XIRP2: variants seen among roughly 807,000 people sequenced by gnomAD.
XIRP2 encodes xin actin-binding repeat-containing protein 2.
Under a neutral mutation model 277.0 loss-of-function variants are expected in XIRP2, and 236 were observed. The ratio of observed to expected loss-of-function variants is 0.85; its 90% CI spans 0.77 to 0.95. The LOEUF (loss-of-function observed/expected upper bound fraction) is 0.95. XIRP2 is among the 40% of genes least tolerant of loss of function. The probability of loss-of-function intolerance (pLI) is 0.00; values close to 1 mark genes in which losing one functional copy is unlikely to be tolerated. For missense variants in XIRP2, 4,640 were observed against 4,157.5 expected, an observed-to-expected ratio of 1.12 and a Z score of -3.19; for synonymous variants, 1,490 against 1,416.5, an observed-to-expected ratio of 1.05 and a Z score of -1.17.
In XIRP2 at chr2:167,139,768, T is replaced by G. The variant is rs572480499; in HGVS notation, c.562+3706T>G. On this transcript the variant is annotated intron_variant, in intron 3 of 10. Transcript: ENST00000409195. ...ATAGAAACTTCTGTGATAATGATAA[T>G]AGAAGTGTCCTATATCTGTGCGGTC... Among the ~76,000 whole-genome samples the G allele has an allele frequency of 2.5e-4, 38 of 152,336 alleles. 1 individual carries two copies. In the South Asian group the frequency reaches 7.5e-3, roughly 30 times the overall value.
intron 2 of XIRP2, among the ~76,000 whole-genome samples, chr2:166,935,742 T>A (rs1311048652): frequency 5.9e-5 from 9 of 152,344 alleles, no homozygotes; most frequent in Admixed American, 5.9e-4. Flanking sequence ...GGACATGAAC[T>A]CATCCTTTTT....
At chr2:166,947,802 A>G (rs980040753) in intron 2 of XIRP2, among the ~76,000 whole-genome samples, 1 of 152,174 alleles carries the variant, frequency 6.6e-6, no homozygotes, top group Admixed American at 6.6e-5. Context: ...AGCAATCTGG[A>G]CAGAGATGTT....
intron 2 of XIRP2, among the ~76,000 whole-genome samples, chr2:166,927,947 T>A (rs1303565661): frequency 6.6e-6 from 1 of 152,154 alleles, no homozygotes; most frequent in Non-Finnish European, 1.5e-5. Flanking sequence ...ATTAGAAATG[T>A]TAAAGAATGT....
chr2:167,256,954 C>T, intron 10 of XIRP2, among the ~76,000 whole-genome samples: 1 of 151,786 alleles, frequency 6.6e-6, no homozygotes, highest in East Asian at 1.9e-4. Flanking sequence ...AAGGGGAGCC[C>T]AGTTTTAGGA....
chr2:167,024,817 G>A (rs1326853661), intron 2 of XIRP2, among the ~76,000 whole-genome samples: 2 of 152,274 alleles, frequency 1.3e-5, no homozygotes, highest in Admixed American at 1.3e-4. Context: ...CTTGATCATG[G>A]TGGATAAGTT....
intron 2 of XIRP2, among the ~76,000 whole-genome samples, chr2:167,086,127 G>C (rs1016006101): frequency 1.3e-5 from 2 of 151,936 alleles, no homozygotes; most frequent in African/African-American, 4.8e-5. Context: ...AGCTCTTTTA[G>C]GGCTGGCCTG....
intron 2 of XIRP2, among the ~76,000 whole-genome samples, chr2:167,036,195 A>G (rs1574191553): frequency 1.3e-5 from 2 of 152,320 alleles, no homozygotes; most frequent in South Asian, 2.1e-4. Flanking sequence ...ACTGCTTAGT[A>G]GAGCTGTGAG....
At chr2:167,101,590 G>A (rs1487566983) in intron 2 of XIRP2, among the ~76,000 whole-genome samples, 1 of 152,126 alleles carries the variant, frequency 6.6e-6, no homozygotes, top group Non-Finnish European at 1.5e-5. Context: ...CCATTCCTGA[G>A]TTACTTCACT....
chr2:166,945,326 T>C lies in XIRP2; in HGVS notation c.408+41436T>C, dbSNP rs116290468. ...GAATGTTAAAGCATAAAAATAGGAGTGTATGTCTTACAGGAATCTCCAAAT... is the reference window on the plus strand; with the variant it reads ...GAATGTTAAAGCATAAAAATAGGAGCGTATGTCTTACAGGAATCTCCAAAT... On this transcript the variant is annotated intron_variant, in intron 2 of 10. Coordinates refer to ENST00000409195, the MANE Select transcript of XIRP2 (RefSeq NM_152381.6). 6.0e-3 allele frequency among the ~76,000 whole-genome samples: 907 copies of C among 152,050 alleles called. 4 individuals carry two copies. The highest frequency in any genetic ancestry group is 0.01 in the Middle Eastern group (3 of 294).
At chr2:167,225,753 T>C (rs555240037) in intron 5 of XIRP2, among the ~76,000 whole-genome samples, 1 of 152,274 alleles carries the variant, frequency 6.6e-6, no homozygotes, top group African/African-American at 2.4e-5. Context: ...GATTCAGCAG[T>C]CTTACTCTGG....
intron 3 of XIRP2, among the ~76,000 whole-genome samples, chr2:167,175,187 A>G (rs1394433099): frequency 6.6e-6 from 1 of 152,008 alleles, no homozygotes; most frequent in African/African-American, 2.4e-5. Flanking sequence ...GGGGTGCTAA[A>G]TTCTCCCACT....
chr2:166,947,502 A>G (rs1685908610), intron 2 of XIRP2, among the ~76,000 whole-genome samples: 1 of 152,034 alleles, frequency 6.6e-6, no homozygotes, highest in African/African-American at 2.4e-5. Context: ...ATAAAAAGAC[A>G]TTTTTCTTTT....
chr2:166,936,406 C>G (rs1456349742), intron 2 of XIRP2, among the ~76,000 whole-genome samples: 2 of 152,204 alleles, frequency 1.3e-5, no homozygotes, highest in Non-Finnish European at 2.9e-5. Context: ...TGCAGAAGCT[C>G]TTTAGTTTAA....
intron 2 of XIRP2, among the ~76,000 whole-genome samples, chr2:166,921,879 T>G (rs565774327): frequency 6.6e-6 from 1 of 152,266 alleles, no homozygotes; most frequent in Admixed American, 6.5e-5. Context: ...TTGCATATGG[T>G]CAGTGCAGGG....
chr2:167,157,224 A>G (rs552495309), intron 3 of XIRP2, among the ~76,000 whole-genome samples: 2 of 152,258 alleles, frequency 1.3e-5, no homozygotes, highest in South Asian at 4.1e-4. Flanking sequence ...CAGTGTTTTT[A>G]GTTCTACACT....
chr2:166,957,463 T>A (rs1389206175), intron 2 of XIRP2, among the ~76,000 whole-genome samples: 1 of 151,842 alleles, frequency 6.6e-6, no homozygotes, highest in African/African-American at 2.4e-5. Flanking sequence ...TTATTTACAT[T>A]TGTGATTTAA....
chr2:167,013,917 C>G (rs1369569433), intron 2 of XIRP2, among the ~76,000 whole-genome samples: 2 of 151,036 alleles, frequency 1.3e-5, no homozygotes, highest in African/African-American at 4.9e-5. Context: ...TATATCAGCT[C>G]AGTATCTAGT....
chr2:167,175,850 T>G (rs1455451727), intron 3 of XIRP2, among the ~76,000 whole-genome samples: 1 of 123,766 alleles, frequency 8.1e-6, no homozygotes, highest in Admixed American at 7.7e-5. Context: ...AGAGGAGGAA[T>G]CTAGAGAGGC....
intron 5 of XIRP2, among the ~76,000 whole-genome samples, chr2:167,237,765 C>T (rs150258069): frequency 5.3e-5 from 8 of 152,248 alleles, no homozygotes; most frequent in African/African-American, 1.9e-4. Context: ...TGCACATTCT[C>T]CTTTGCTACT....
Sources: gnomAD v4.1 joint callset for allele counts (sites outside exome capture counted in the v4.1 genomes callset) on GRCh38, gnomAD v4.1.1 for gene constraint, MANE v1.5 for transcripts, NCBI Gene and HGNC (gene_info 2026-07-23, HGNC 2026-07-21) for gene names.